FBXO38: variants seen among roughly 807,000 people sequenced by gnomAD.
The protein encoded by FBXO38 is F-box only protein 38.
A neutral mutation model predicts 131.9 loss-of-function variants in FBXO38; 53 were observed. The ratio of observed to expected loss-of-function variants is 0.40; its 90% CI spans 0.32 to 0.51. The LOEUF (loss-of-function observed/expected upper bound fraction) is 0.51. Ranked by LOEUF, FBXO38 falls within the 20% of genes least tolerant of loss-of-function variation. The probability of loss-of-function intolerance (pLI) is 0.53; values close to 1 mark genes in which losing one functional copy is unlikely to be tolerated. For missense variants in FBXO38, 1,076 were observed against 1,475.6 expected (o/e 0.73, Z 4.44); for synonymous variants, 452 against 505.6 (o/e 0.89, Z 1.42).
At position 148,427,842 on chromosome 5, in the gene FBXO38, TC is replaced by T; in HGVS notation, c.2551del (p.Gln851SerfsTer18). The stretch of plus-strand genomic sequence containing the variant: ...TACAGGTGAGGACAGGAGGGGGAGC[TC>T]CCAGCCTGAGAGTTGTGACGTGCAG... ...GATGEDRRGSSQPESCDVQSN... is the reference protein window; with the variant it reads ...GATGEDRRGSXQPESCDVQSN... On this transcript the variant is annotated frameshift_variant, in exon 15 of 22. Transcript: ENST00000340253. LOFTEE classifies it high-confidence loss of function. The T allele has an allele frequency of 6.3e-7, 1 of 1,598,858 alleles. No homozygotes were observed. Among genetic ancestry groups the T allele is most frequent in the Non-Finnish European group, 8.5e-7 (1 of 1,173,146 alleles).
intron 1 of FBXO38, chr5:148,390,032 GAA>G (rs752637380): frequency 1.3e-4 from 16 of 122,316 alleles, no homozygotes; most frequent in South Asian, 2.7e-4. Context: ...CTGTCTTAAA[GAA>G]AAAAAAAAAA....
chr5:148,429,455 T>G (rs1187977319), intron 15 of FBXO38, among the ~76,000 whole-genome samples: 2 of 152,186 alleles, frequency 1.3e-5, no homozygotes, highest in Non-Finnish European at 2.9e-5. Context: ...CATACTTAGG[T>G]TGATCTCTGG....
chr5:148,412,933 G>A (rs541386289), intron 9 of FBXO38, among the ~76,000 whole-genome samples: 121 of 152,138 alleles, frequency 8.0e-4, no homozygotes, highest in Admixed American at 3.7e-3. Flanking sequence ...TGTCAAGCAG[G>A]AAGCCCCAAG....
intron 3 of FBXO38, among the ~76,000 whole-genome samples, chr5:148,401,156 G>A (rs867153681): frequency 6.6e-6 from 1 of 152,138 alleles, no homozygotes; most frequent in African/African-American, 2.4e-5. Context: ...TTAATAAGCA[G>A]ACAGTTGGCT....
At position 148,404,677 on chromosome 5, in the gene FBXO38, T is replaced by G; in HGVS notation, c.593-8T>G. 1 of 1,535,240 alleles carries G rather than the reference T, an allele frequency of 6.5e-7. No homozygotes were observed. Among genetic ancestry groups the G allele is most frequent in the Non-Finnish European group, 8.7e-7 (1 of 1,145,258 alleles). The stretch of plus-strand genomic sequence containing the variant: ...TCTTGTTTGTTCTTTTTTATATTTG[T>G]GTTTTAGGGGTGAATGTTCCTGAAA... On this transcript the variant is annotated splice_polypyrimidine_tract_variant and splice_region_variant and intron_variant, in intron 5 of 21. Transcript: ENST00000340253.
rs900568692 is a variant in FBXO38, at chr5:148,425,728, T to C, written c.1918+27T>C. The stretch of plus-strand genomic sequence containing the variant: ...TGAGAAATTGTCTTTCTCTGAACTA[T>C]TAATGAGAGTCACTATCAGAACTGA... On this transcript the variant is annotated intron_variant, in intron 14 of 21. Transcript: ENST00000340253. 2.5e-6 allele frequency: 4 copies of C among 1,593,824 alleles called. No homozygotes were observed. In the African/African-American group the frequency reaches 4.0e-5, roughly 16 times the overall value.
At chr5:148,424,792 A>T (rs899132171) in intron 13 of FBXO38, among the ~76,000 whole-genome samples, 7 of 152,194 alleles carry the variant, frequency 4.6e-5, no homozygotes, top group African/African-American at 1.7e-4. Context: ...GCAGTCACTC[A>T]TTCAACAAAT....
chr5:148,413,143 G>C (rs759273075), intron 9 of FBXO38: 4 of 152,118 alleles, frequency 2.6e-5, no homozygotes, highest in South Asian at 2.1e-4. Context: ...AAATAGTTCA[G>C]CTAAATTGTA....
At chr5:148,398,675 T>G (rs1318404721) in intron 2 of FBXO38, among the ~76,000 whole-genome samples, 1 of 151,470 alleles carries the variant, frequency 6.6e-6, no homozygotes, top group East Asian at 2.0e-4. Flanking sequence ...TGAAAAGCAC[T>G]GTTTTTTTTT....
At position 148,433,293 on chromosome 5, in the gene FBXO38, G is replaced by A. The variant is rs1402298849; in HGVS notation, c.2654-131G>A. 3 of 634,692 alleles carry A rather than the reference G, an allele frequency of 4.7e-6. No individual in the cohort carries two copies. In the African/African-American group the frequency reaches 5.5e-5, roughly 12 times the overall value. 39.3% of individuals were successfully genotyped at this position (634,692 alleles called of 1,614,324 possible). On this transcript the variant is annotated intron_variant, in intron 15 of 21. Coordinates refer to ENST00000340253, the MANE Select transcript of FBXO38 (RefSeq NM_205836.3). Reference sequence around the variant, plus strand: ...ATCCACTGGAAATACCAATGTAACTGTATTCCACTGGGAACCAAATTGTAG... The same window carrying A: ...ATCCACTGGAAATACCAATGTAACTATATTCCACTGGGAACCAAATTGTAG...
chr5:148,385,781 T>G (rs1757883309), intron 1 of FBXO38, among the ~76,000 whole-genome samples: 1 of 152,166 alleles, frequency 6.6e-6, no homozygotes, highest in Non-Finnish European at 1.5e-5. Flanking sequence ...ATATGCAAGA[T>G]TACTTTGATA....
At chr5:148,415,485 C>A (rs915867300) in intron 10 of FBXO38, 1 of 157,188 alleles carries the variant, frequency 6.4e-6, no homozygotes, top group Non-Finnish European at 1.4e-5. Context: ...TATATTATAC[C>A]AAAGGATCTT....
At chr5:148,424,845 A>C (rs1179673003) in intron 13 of FBXO38, among the ~76,000 whole-genome samples, 1 of 151,824 alleles carries the variant, frequency 6.6e-6, no homozygotes, top group Admixed American at 6.6e-5. Flanking sequence ...GTACAATGTG[A>C]CAGGAAAAAA....
intron 12 of FBXO38, among the ~76,000 whole-genome samples, chr5:148,419,366 T>C (rs151289038): frequency 2.2e-3 from 331 of 152,012 alleles, no homozygotes; most frequent in Non-Finnish European, 4.0e-3. Flanking sequence ...CACACACACA[T>C]ATAAGTTAGA....
At position 148,425,581 on chromosome 5, in the gene FBXO38, A is replaced by G; in HGVS notation, c.1798A>G (p.Ser600Gly). Residue 600 changes from serine (S) to glycine (G), a missense_variant, in exon 14 of 22, where the codon AGT becomes GGT. Physicochemically the swap from Ser to Gly is moderately conservative, Grantham distance 56 (BLOSUM62 0). Around this residue, in one of 8 missense-constraint regions of FBXO38, gnomAD observed 212 missense variants for 221.2 expected, o/e 0.96. Coordinates refer to ENST00000340253, the MANE Select transcript of FBXO38 (RefSeq NM_205836.3). ...PTSITVHDSE[S>G]DDEEDSLELQ... ...CTCAATTACTGTTCATGATTCAGAG[A>G]GTGATGATGAAGAAGATAGTCTAGA... 6.2e-7 allele frequency: 1 copy of G among 1,613,472 alleles called. No homozygotes were observed.
intron 12 of FBXO38, among the ~76,000 whole-genome samples, chr5:148,422,467 C>T (rs542333470): frequency 6.6e-6 from 1 of 152,288 alleles, no homozygotes; most frequent in South Asian, 2.1e-4. Flanking sequence ...CCAGTTTATT[C>T]TCTGTCACAT....
intron 15 of FBXO38, chr5:148,430,825 T>C (rs1298799847): frequency 6.6e-6 from 1 of 152,238 alleles, no homozygotes; most frequent in Non-Finnish European, 1.5e-5. Context: ...AATTTATATT[T>C]TGGGAATAAA....
Position 148,427,716 on chromosome 5 carries a change from C to T in FBXO38, c.2422C>T (p.Pro808Ser). 6.2e-7 allele frequency: 1 copy of T among 1,614,104 alleles called. No individual in the cohort carries two copies. The highest frequency in any genetic ancestry group is 1.1e-5 in the South Asian group (1 of 91,084). Residue 808 changes from proline (P) to serine (S), a missense_variant, in exon 15 of 22, where the codon CCG (proline) becomes TCG (serine). Pro to Ser is a moderately conservative substitution (Grantham distance 74). Coordinates refer to ENST00000340253, the MANE Select transcript of FBXO38 (RefSeq NM_205836.3). ...CAGCCGAGCCTGTGTTGTGAATGGC[C>T]CGGATGGTACGAGATCCGCCTTTTC... is the stretch of plus-strand genomic sequence containing the variant. The part of the protein sequence containing the change: ...STSRACVVNG[P>S]DGTRSAFSFR...
intron 15 of FBXO38, chr5:148,430,950 T>C (rs914711688): frequency 6.6e-6 from 1 of 152,212 alleles, no homozygotes; most frequent in African/African-American, 2.4e-5. Context: ...ATTAAACACT[T>C]TCCCTGACAC....
Sources: gnomAD v4.1 joint callset for allele counts (sites outside exome capture counted in the v4.1 genomes callset) on GRCh38, gnomAD v4.1.1 for gene constraint, gnomAD v4.1.1 regional missense constraint, MANE v1.5 for transcripts, NCBI Gene and HGNC (gene_info 2026-07-23, HGNC 2026-07-21) for gene names.